KCNH5: variants seen among roughly 807,000 people sequenced by gnomAD.
KCNH5 encodes the protein potassium voltage-gated channel subfamily H member 5, also known as voltage-gated delayed rectifier potassium channel KCNH5.
A neutral mutation model predicts 96.1 loss-of-function variants in KCNH5; 46 were observed. That is an observed-to-expected ratio of 0.48 (90% confidence interval 0.38 to 0.61). The LOEUF is 0.61. Among genes scored for constraint, KCNH5 ranks in the 20% least tolerant of loss-of-function variants. The pLI, the probability that KCNH5 is intolerant of heterozygous loss-of-function variation, is 0.00. For synonymous variants in KCNH5, 439 were observed against 449.8 expected, an observed-to-expected ratio of 0.98 and a Z score of 0.30; for missense variants, 907 against 1,225.8, an observed-to-expected ratio of 0.74 and a Z score of 3.88.
intron 8 of KCNH5, among the ~76,000 whole-genome samples, chr14:62,832,328 T>C (rs1223021391): frequency 2.1e-5 from 1 of 46,812 alleles, no homozygotes; most frequent in Non-Finnish European, 4.2e-5. Context: ...TTTGACTACT[T>C]TAGATACCTC....
chr14:62,889,344 G>C (rs1402188694), intron 7 of KCNH5, among the ~76,000 whole-genome samples: 1 of 152,172 alleles, frequency 6.6e-6, no homozygotes, highest in East Asian at 1.9e-4. Flanking sequence ...CCCTCACAGA[G>C]CTTACATCCC....
chr14:63,045,456 T>A lies in KCNH5; in HGVS notation c.-270A>T. 1 of 485,812 alleles carries A rather than the reference T, an allele frequency of 2.1e-6. No individual in the cohort carries two copies. 30.1% of individuals were successfully genotyped at this position (485,812 alleles called of 1,614,324 possible). The stretch of plus-strand genomic sequence containing the variant: ...GGTGCCGCACACGGGGCTCGGGAAC[T>A]GCAGGCTCCGCGGGGCACAGTGCGC... On this transcript the variant is annotated 5_prime_UTR_variant, in exon 1 of 11. Coordinates refer to ENST00000322893, the MANE Select transcript of KCNH5 (RefSeq NM_139318.5).
intron 10 of KCNH5, among the ~76,000 whole-genome samples, chr14:62,757,761 T>G (rs895703551): frequency 1.8e-4 from 27 of 152,192 alleles, no homozygotes; most frequent in African/African-American, 6.5e-4. Context: ...ACAACTGAAC[T>G]CATGGAGATA....
intron 10 of KCNH5, among the ~76,000 whole-genome samples, chr14:62,721,876 T>C (rs1031356280): frequency 1.3e-5 from 2 of 152,242 alleles, no homozygotes; most frequent in African/African-American, 4.8e-5. Context: ...TAAATAATAC[T>C]TGTCTTCATC....
rs191824633 is a variant in KCNH5 at position 62,845,590 on chromosome 14, G to A, written c.1569+4063C>T. On this transcript the variant is annotated intron_variant, in intron 8 of 10. Coordinates refer to ENST00000322893, the MANE Select transcript of KCNH5 (RefSeq NM_139318.5). Reference sequence around the variant, plus strand: ...TTAGTTGGTATTAGAAAAATCCAGGGAAGACATGATGGTGATGTGGACCAG... The same window carrying A: ...TTAGTTGGTATTAGAAAAATCCAGGAAAGACATGATGGTGATGTGGACCAG... 3.7e-3 allele frequency among the ~76,000 whole-genome samples: 570 copies of A among 152,334 alleles called. 1 individual carries two copies. The highest frequency in any genetic ancestry group is 5.3e-3 in the Non-Finnish European group (360 of 68,032).
chr14:62,939,620 T>C (rs1255815098), intron 7 of KCNH5, among the ~76,000 whole-genome samples: 2 of 152,208 alleles, frequency 1.3e-5, no homozygotes, highest in Admixed American at 1.3e-4. Flanking sequence ...ATTCATTAAT[T>C]CACCCATAAA....
chr14:62,832,451 A>G (rs1178180984), intron 8 of KCNH5, among the ~76,000 whole-genome samples: 27 of 152,130 alleles, frequency 1.8e-4, no homozygotes, highest in African/African-American at 4.8e-5. Flanking sequence ...CCTTCTTTCT[A>G]TAGATGAATT....
chr14:62,749,221 A>G (rs1885444464), intron 10 of KCNH5, among the ~76,000 whole-genome samples: 2 of 152,232 alleles, frequency 1.3e-5, no homozygotes, highest in Admixed American at 1.3e-4. Context: ...ATGCCAATCC[A>G]TATCTTTAGG....
chr14:62,807,493 TAATAA>T (rs1886790961), intron 8 of KCNH5, among the ~76,000 whole-genome samples: 3 of 152,108 alleles, frequency 2.0e-5, no homozygotes, highest in African/African-American at 4.8e-5. Flanking sequence ...TAAAAATTAT[TAATAA>T]AATAAAAACA....
chr14:62,847,898 G>C (rs1310073450), intron 8 of KCNH5, among the ~76,000 whole-genome samples: 3 of 152,198 alleles, frequency 2.0e-5, no homozygotes, highest in Non-Finnish European at 2.9e-5. Flanking sequence ...CTGCATGCCA[G>C]TGCATCAGAC....
intron 10 of KCNH5, among the ~76,000 whole-genome samples, chr14:62,725,780 T>C (rs757931827): frequency 1.3e-4 from 20 of 152,190 alleles, no homozygotes; most frequent in Non-Finnish European, 2.6e-4. Context: ...TCCTGCAGGA[T>C]CTTTTTGCAG....
intron 10 of KCNH5, among the ~76,000 whole-genome samples, chr14:62,728,917 T>A (rs960349267): frequency 3.9e-5 from 6 of 152,190 alleles, no homozygotes; most frequent in Non-Finnish European, 5.9e-5. Flanking sequence ...GCATGGGGCA[T>A]TTAAAGAACC....
intron 7 of KCNH5, among the ~76,000 whole-genome samples, chr14:62,858,178 C>T (rs974003576): frequency 2.6e-5 from 4 of 152,190 alleles, no homozygotes; most frequent in Admixed American, 2.0e-4. Flanking sequence ...CTCATTTCTG[C>T]AGCTGGTCAG....
intron 10 of KCNH5, among the ~76,000 whole-genome samples, chr14:62,748,981 C>G (rs1034452100): frequency 1.6e-4 from 24 of 152,138 alleles, no homozygotes; most frequent in African/African-American, 5.6e-4. Flanking sequence ...GATAGCGTAT[C>G]AATGGCAGAA....
intron 10 of KCNH5, among the ~76,000 whole-genome samples, chr14:62,778,868 T>C (rs1226920390): frequency 6.6e-6 from 1 of 152,242 alleles, no homozygotes; most frequent in Non-Finnish European, 1.5e-5. Context: ...TTGATTTAAT[T>C]ATGTTCATTT....
intron 9 of KCNH5, among the ~76,000 whole-genome samples, chr14:62,800,285 G>T (rs2139997949): frequency 6.6e-6 from 1 of 152,242 alleles, no homozygotes; most frequent in East Asian, 1.9e-4. Flanking sequence ...ATAATAAAAT[G>T]TGACAGATAT....
Position 62,759,297 on chromosome 14 carries a change from C to T in KCNH5, c.2019+20431G>A, listed in dbSNP as rs564567826. Among the ~76,000 whole-genome samples the T allele has an allele frequency of 2.0e-5, 3 of 152,156 alleles. No individual in the cohort carries two copies. The South Asian group carries it at 6.2e-4, about 32-fold the overall frequency. ...TTGAATAGTCCCACTGTCTGAAATC[C>T]AGACTAAAGTAGCAGTTTTCTAAAT... On this transcript the variant is annotated intron_variant, in intron 10 of 10. Transcript: ENST00000322893.
intron 7 of KCNH5, among the ~76,000 whole-genome samples, chr14:62,892,565 T>C (rs1888732310): frequency 6.6e-6 from 1 of 152,192 alleles, no homozygotes; most frequent in Non-Finnish European, 1.5e-5. Flanking sequence ...TCAATGTAAA[T>C]GAAATGGCCC....
chr14:62,828,703 G>A (rs1887278540), intron 8 of KCNH5, among the ~76,000 whole-genome samples: 2 of 152,090 alleles, frequency 1.3e-5, no homozygotes, highest in East Asian at 3.9e-4. Context: ...AATTTAAGAT[G>A]AGATTTGGGT....
Sources: allele counts gnomAD v4.1 joint callset (sites outside exome capture counted in the v4.1 genomes callset), GRCh38; gene constraint gnomAD v4.1.1; transcripts MANE v1.5; gene names NCBI Gene and HGNC (gene_info 2026-07-23, HGNC 2026-07-21).